The following GALNT18 variants were observed in gnomAD, a reference collection of about 807,000 sequenced individuals.
The protein encoded by GALNT18 is GalNAc-transferase 18.
A neutral mutation model predicts 69.5 loss-of-function variants in GALNT18; 44 were observed. That is an observed-to-expected ratio of 0.63 (90% confidence interval 0.50 to 0.81). GALNT18 has a LOEUF of 0.81. Among genes scored for constraint, GALNT18 ranks in the 40% least tolerant of loss-of-function variants. The pLI, the probability that GALNT18 is intolerant of heterozygous loss-of-function variation, is 0.00. For missense variants in GALNT18, 715 were observed against 810.0 expected (o/e 0.88, Z 1.42); for synonymous variants, 364 against 318.2 (o/e 1.14, Z -1.53).
At chr11:11,568,629 G>C (rs1483814089) in intron 1 of GALNT18, among the ~76,000 whole-genome samples, 3 of 152,144 alleles carry the variant, frequency 2.0e-5, no homozygotes, top group African/African-American at 7.2e-5. Flanking sequence ...CACTGTCTAA[G>C]ATAGAGAGCA....
rs569788779 is a variant in GALNT18 at position 11,337,458 on chromosome 11, T to C, written c.1278+3361A>G. Among the ~76,000 whole-genome samples the C allele has an allele frequency of 6.6e-4, 100 of 152,282 alleles. No individual in the cohort carries two copies. Among genetic ancestry groups the C allele is most frequent in the African/African-American group, 2.2e-3 (91 of 41,562 alleles). The stretch of plus-strand genomic sequence containing the variant: ...GGCCCCTTCCAAACCAGTTAAGTGG[T>C]AATCTGTGGGGGTGGAACCCAACTG... On this transcript the variant is annotated intron_variant, in intron 7 of 10. Transcript: ENST00000227756. This position sits in a 1 kb window ranked among gnomAD's most constrained non-coding sequence, Gnocchi z 4.9.
In GALNT18 at chr11:11,356,489, T is replaced by C. The variant is rs776886595; in HGVS notation, c.1093-15485A>G. ...GTGAGCTTCCAGGTTTCTTTGGCTT[T>C]TGTTTTTGCTTTTTTCCAAAATTCA... On this transcript the variant is annotated intron_variant, in intron 6 of 10. Transcript: ENST00000227756. This position sits in a 1 kb window ranked among gnomAD's most constrained non-coding sequence, Gnocchi z 4.4. 3.3e-5 allele frequency among the ~76,000 whole-genome samples: 5 copies of C among 152,210 alleles called. No homozygotes were observed. Among genetic ancestry groups the C allele is most frequent in the Non-Finnish European group, 5.9e-5 (4 of 68,038 alleles).
rs1311752129 is a variant in GALNT18, at chr11:11,341,133, C to T, written c.1093-129G>A. Reference sequence around the variant, plus strand: ...TCACCTTGACTCCCCAGATCACTCTCTGTGAAGGAGTAGGCCATACCTGAT... The same window carrying T: ...TCACCTTGACTCCCCAGATCACTCTTTGTGAAGGAGTAGGCCATACCTGAT... On this transcript the variant is annotated intron_variant, in intron 6 of 10. Transcript: ENST00000227756. The surrounding 1 kb of genome is among the most constrained non-coding windows in gnomAD (Gnocchi z 6.3). The T allele has an allele frequency of 5.1e-6, 4 of 785,466 alleles. No individual in the cohort carries two copies. In the East Asian group the frequency reaches 7.9e-5, roughly 15 times the overall value. 48.7% of individuals were successfully genotyped at this position (785,466 alleles called of 1,614,324 possible). A position where few individuals can be genotyped will look rare whatever the true frequency, so the allele number is the denominator to read the frequency against.
intron 3 of GALNT18, among the ~76,000 whole-genome samples, chr11:11,417,634 G>A (rs1489845859): frequency 6.6e-6 from 1 of 152,188 alleles, no homozygotes; most frequent in African/African-American, 2.4e-5. Flanking sequence ...GAGGGCTTGG[G>A]CTCATTCTTT....
intron 3 of GALNT18, among the ~76,000 whole-genome samples, chr11:11,393,284 C>G (rs922374201): frequency 1.3e-5 from 2 of 152,172 alleles, no homozygotes; most frequent in Non-Finnish European, 2.9e-5. Flanking sequence ...GACTTTGGTC[C>G]CAGGTGGGCC....
At position 11,596,090 on chromosome 11, in the gene GALNT18, T is replaced by C. The variant is rs4910022; in HGVS notation, c.235+25269A>G. Among the ~76,000 whole-genome samples, 36,663 of 152,124 alleles carry C rather than the reference T, an allele frequency of 0.24. 5,242 individuals are homozygous for C. The highest frequency in any genetic ancestry group is 0.32 in the Non-Finnish European group (21,672 of 67,946). On this transcript the variant is annotated intron_variant, in intron 1 of 10. Coordinates refer to ENST00000227756, the MANE Select transcript of GALNT18 (RefSeq NM_198516.3). This position sits in a 1 kb window ranked among gnomAD's most constrained non-coding sequence, Gnocchi z 4.2. ...TAGAGTGAGATGGGGGACAACTTTA[T>C]TCTTAACATGTAGATATCCAGTTGT...
Position 11,526,905 on chromosome 11 carries a change from G to A in GALNT18, c.236-77969C>T, listed in dbSNP as rs146938934. Among the ~76,000 whole-genome samples, 67 of 152,224 alleles carry A rather than the reference G, an allele frequency of 4.4e-4. No individual in the cohort carries two copies. In the South Asian group the frequency reaches 6.6e-3, roughly 15 times the overall value. ...TGAACAGCAATCCAGTCGAGTCCAC[G>A]CCACACTCTAAGATGGACAGGTTCC... On this transcript the variant is annotated intron_variant, in intron 1 of 10. Transcript: ENST00000227756.
intron 3 of GALNT18, among the ~76,000 whole-genome samples, chr11:11,425,943 T>TCC (rs969280392): frequency 6.6e-6 from 1 of 152,216 alleles, no homozygotes; most frequent in Non-Finnish European, 1.5e-5. Context: ...AATCATGCAG[T>TCC]CCCAGCTAAA....
intron 6 of GALNT18, chr11:11,352,394 C>A: frequency 6.2e-7 from 1 of 1,614,136 alleles, no homozygotes; most frequent in Non-Finnish European, 8.5e-7. Context: ...CTATCCTCAC[C>A]AACTGATCAT....
chr11:11,479,270 A>G (rs1204005776), intron 1 of GALNT18, among the ~76,000 whole-genome samples: 5 of 151,908 alleles, frequency 3.3e-5, no homozygotes, highest in Admixed American at 6.6e-5. Context: ...CTTAACAGGG[A>G]ACAATATTTT....
intron 9 of GALNT18, among the ~76,000 whole-genome samples, chr11:11,294,739 G>A (rs1217830583): frequency 6.6e-6 from 1 of 152,150 alleles, no homozygotes; most frequent in Non-Finnish European, 1.5e-5. Flanking sequence ...GGCCTTCAAT[G>A]TTTTCAGCAA....
chr11:11,357,391 A>G (rs1850553615), intron 6 of GALNT18, among the ~76,000 whole-genome samples: 1 of 152,034 alleles, frequency 6.6e-6, no homozygotes, highest in South Asian at 2.1e-4. Flanking sequence ...CTGGTCAAAT[A>G]CAATCTCCAA....
intron 3 of GALNT18, among the ~76,000 whole-genome samples, chr11:11,423,320 T>G (rs1855055428): frequency 6.6e-6 from 1 of 152,234 alleles, no homozygotes; most frequent in Non-Finnish European, 1.5e-5. Flanking sequence ...ACAGAGTACT[T>G]GCATATACAT....
At position 11,469,585 on chromosome 11, in the gene GALNT18, G is replaced by C. The variant is rs770116344; in HGVS notation, c.236-20649C>G. Among the ~76,000 whole-genome samples, 20 of 152,174 alleles carry C rather than the reference G, an allele frequency of 1.3e-4. No individual in the cohort carries two copies. The highest frequency in any genetic ancestry group is 2.5e-4 in the Non-Finnish European group (17 of 68,036). On this transcript the variant is annotated intron_variant, in intron 1 of 10. Coordinates refer to ENST00000227756, the MANE Select transcript of GALNT18 (RefSeq NM_198516.3). The surrounding 1 kb of genome is among the most constrained non-coding windows in gnomAD (Gnocchi z 4.2). ...GACTTGTTTTCAGTTTGATCCATGA[G>C]GGCCATTTAGGGCTGCTCACATAGG...
At chr11:11,283,447 G>A (rs994119517) in intron 10 of GALNT18, among the ~76,000 whole-genome samples, 2 of 152,156 alleles carry the variant, frequency 1.3e-5, no homozygotes, top group Admixed American at 1.3e-4. Flanking sequence ...CTTTTAATCT[G>A]AATGACAGGG....
intron 1 of GALNT18, among the ~76,000 whole-genome samples, chr11:11,510,087 A>T (rs1429284806): frequency 1.3e-5 from 2 of 152,182 alleles, no homozygotes; most frequent in Non-Finnish European, 2.9e-5. Flanking sequence ...TGCTGGCCAC[A>T]GCATGGAAAA....
At chr11:11,525,591 C>G (rs1166016413) in intron 1 of GALNT18, among the ~76,000 whole-genome samples, 1 of 149,442 alleles carries the variant, frequency 6.7e-6, no homozygotes, top group African/African-American at 2.5e-5. Context: ...GGAAGGGGAA[C>G]AGGTTTGAAG....
rs948195585 is a variant in GALNT18, at chr11:11,413,945, T to A, written c.595+18676A>T. On this transcript the variant is annotated intron_variant, in intron 3 of 10. Transcript: ENST00000227756. The surrounding 1 kb of genome is among the most constrained non-coding windows in gnomAD (Gnocchi z 4.7). ...ACATTCAGGACTTCACACTGGATCT[T>A]ACTCACCAAACCTGTTCTTCCTCTA... Among the ~76,000 whole-genome samples the A allele has an allele frequency of 6.6e-6, 1 of 152,198 alleles. No homozygotes were observed. The highest frequency in any genetic ancestry group is 2.4e-5 in the African/African-American group (1 of 41,462).
At chr11:11,489,817 A>G (rs1856724028) in intron 1 of GALNT18, among the ~76,000 whole-genome samples, 1 of 152,226 alleles carries the variant, frequency 6.6e-6, no homozygotes, top group Non-Finnish European at 1.5e-5. Context: ...CCTGTTTTAC[A>G]AATAGGAAAC....
Sources: gnomAD v4.1 joint callset for allele counts (sites outside exome capture counted in the v4.1 genomes callset) on GRCh38, gnomAD v4.1.1 for gene constraint, Gnocchi (gnomAD v3.1) non-coding constraint, MANE v1.5 for transcripts, NCBI Gene and HGNC (gene_info 2026-07-23, HGNC 2026-07-21) for gene names.